The following LONRF1 variants were observed in gnomAD, a reference collection of about 807,000 sequenced individuals.
LONRF1 encodes LON peptidase N-terminal domain and ring finger 1, also known as LON peptidase N-terminal domain and RING finger protein 1.
LONRF1 carries 37 observed loss-of-function variants against 85.8 expected under a neutral mutation model. That is an observed-to-expected ratio of 0.43 (90% CI 0.33 to 0.57). The LOEUF (loss-of-function observed/expected upper bound fraction) is 0.57. Among genes scored for constraint, LONRF1 ranks in the 20% least tolerant of loss-of-function variants. LONRF1 has a pLI of 0.04. For missense variants in LONRF1, 1,036 were observed against 978.0 expected, an observed-to-expected ratio of 1.06 and a Z score of -0.79; for synonymous variants, 517 against 390.1, an observed-to-expected ratio of 1.33 and a Z score of -3.83.
chr8:12,729,241 T>C lies in LONRF1; in HGVS notation c.1780A>G (p.Met594Val). ...LHVFEPRYRL[M>V]IRRSIQTGTK... is the part of the protein sequence containing the mutation. ...CCAGTCTGTATACTTCTTCGAATCA[T>C]CAATCTGTATCTTGGCTCAAATACA... is the stretch of plus-strand genomic sequence containing the variant. Residue 594 changes from methionine to valine, a missense_variant, in exon 9 of 12, where the codon ATG (methionine) becomes GTG (valine). This residue lies in a region of LONRF1 where 265 missense variants were observed against 301.5 expected (regional missense o/e 0.88). Transcript: ENST00000398246. 1 of 1,614,020 alleles carries C rather than the reference T, an allele frequency of 6.2e-7. No homozygotes were observed. Among genetic ancestry groups the C allele is most frequent in the Non-Finnish European group, 8.5e-7 (1 of 1,179,912 alleles).
intron 11 of LONRF1, among the ~76,000 whole-genome samples, chr8:12,725,287 G>T (rs1032651881): frequency 3.3e-5 from 5 of 152,178 alleles, no homozygotes; most frequent in Non-Finnish European, 7.3e-5. Context: ...AATGTTGGGA[G>T]ATACAAAGAA....
intron 3 of LONRF1, among the ~76,000 whole-genome samples, chr8:12,739,566 C>G (rs1332770231): frequency 6.6e-6 from 1 of 152,096 alleles, no homozygotes; most frequent in Non-Finnish European, 1.5e-5. Context: ...TACACAGGTA[C>G]ATACATTTTT....
At position 12,722,884 on chromosome 8, in the gene LONRF1, A is replaced by T. The variant is rs1272357386; in HGVS notation, c.*212T>A. On this transcript the variant is annotated 3_prime_UTR_variant, in exon 12 of 12. Coordinates refer to ENST00000398246, the MANE Select transcript of LONRF1 (RefSeq NM_152271.5). ...TTCACAATGTAGAGGTTCGACACAC[A>T]TTCAATGCGTGTTTTTCTGTGCAAG... The T allele has an allele frequency of 1.4e-5, 7 of 491,630 alleles. No homozygotes were observed. The highest frequency in any genetic ancestry group is 1.2e-4 in the African/African-American group (6 of 51,878). The allele number at this position is 491,630 out of a possible 1,614,324, so 30.5% of individuals were successfully genotyped here.
rs867859310 is a variant in LONRF1, at chr8:12,751,304, T to G, written c.721+3396A>C. On this transcript the variant is annotated intron_variant, in intron 1 of 11. Transcript: ENST00000398246. ...TATATTTTTATTTTTATGTTTTTTT[T>G]TTTTTTTTTTTTTTTTGAGACTGAG... Among the ~76,000 whole-genome samples, 3 of 122,094 alleles carry G rather than the reference T, an allele frequency of 2.5e-5. No individual in the cohort carries two copies. The East Asian group carries it at 7.3e-4, about 30-fold the overall frequency. The allele number at this position is 122,094 out of a possible 152,430, so 80.1% of individuals were successfully genotyped here.
chr8:12,751,415 T>C (rs948905436), intron 1 of LONRF1, among the ~76,000 whole-genome samples: 4 of 149,672 alleles, frequency 2.7e-5, no homozygotes, highest in Non-Finnish European at 4.4e-5. Context: ...CAAGCAATTC[T>C]GCCTCAGCCT....
intron 1 of LONRF1, among the ~76,000 whole-genome samples, chr8:12,751,470 A>C (rs1234413805): frequency 6.6e-6 from 1 of 150,568 alleles, no homozygotes; most frequent in Non-Finnish European, 1.5e-5. Context: ...CGCCTGGGTA[A>C]TTTTTTGTAT....
At chr8:12,727,486 G>A (rs1455604336) in intron 10 of LONRF1, among the ~76,000 whole-genome samples, 2 of 146,352 alleles carry the variant, frequency 1.4e-5, no homozygotes, top group Non-Finnish European at 3.0e-5. Flanking sequence ...GACATGATGA[G>A]AAAAGATTAC....
chr8:12,742,981 G>A (rs774120659), intron 2 of LONRF1, among the ~76,000 whole-genome samples, 183 bp downstream of exon 2: 3 of 152,210 alleles, frequency 2.0e-5, no homozygotes, highest in South Asian at 2.1e-4. Context: ...CCAACTCAGC[G>A]TCCCAAATTG....
intron 11 of LONRF1, 93 bp from the exon 12 acceptor site, chr8:12,723,347 T>C: frequency 1.7e-6 from 2 of 1,160,850 alleles, no homozygotes; most frequent in South Asian, 1.5e-5. Flanking sequence ...TATTGAGCAC[T>C]TGTACTATGT....
At chr8:12,750,797 C>G (rs1487157378) in intron 1 of LONRF1, among the ~76,000 whole-genome samples, 1 of 152,164 alleles carries the variant, frequency 6.6e-6, no homozygotes, top group Non-Finnish European at 1.5e-5. Flanking sequence ...GTAATTGTTA[C>G]TCTCTACCAA....
chr8:12,729,809 G>C (rs1399611698), intron 8 of LONRF1, among the ~76,000 whole-genome samples: 7 of 152,056 alleles, frequency 4.6e-5, no homozygotes, highest in Non-Finnish European at 1.0e-4. Flanking sequence ...GCAAGGATAA[G>C]AAAACATATT....
intron 3 of LONRF1, 64 bp downstream of exon 3, chr8:12,740,810 T>C: frequency 6.5e-7 from 1 of 1,549,354 alleles, no homozygotes; most frequent in Non-Finnish European, 8.7e-7. Context: ...TTATTAGCTT[T>C]TTTTTTTAAA....
intron 7 of LONRF1, among the ~76,000 whole-genome samples, chr8:12,734,483 T>C (rs1798644994): frequency 6.6e-6 from 1 of 152,198 alleles, no homozygotes; most frequent in Admixed American, 6.6e-5. Flanking sequence ...CAAACTGCAA[T>C]TGCCTCTCAG....
chr8:12,724,936 A>C (rs1174818839), intron 11 of LONRF1, among the ~76,000 whole-genome samples: 1 of 152,252 alleles, frequency 6.6e-6, no homozygotes, highest in Admixed American at 6.5e-5. Context: ...GGCAGTGTGC[A>C]TTACAATGAG....
chr8:12,748,641 C>T (rs185733326), intron 1 of LONRF1, among the ~76,000 whole-genome samples: 1 of 152,128 alleles, frequency 6.6e-6, no homozygotes, highest in African/African-American at 2.4e-5. Context: ...ATTTTAACAA[C>T]CTCCATTTCT....
At chr8:12,748,323 G>T (rs532834572) in intron 1 of LONRF1, among the ~76,000 whole-genome samples, 1 of 152,216 alleles carries the variant, frequency 6.6e-6, no homozygotes, top group African/African-American at 2.4e-5. Context: ...TCCAGCCTCA[G>T]TAGCTGGGAC....
rs1372916477 is a variant in LONRF1, at chr8:12,737,129, T to C, written c.1125A>G (p.Ile375Met). Residue 375 changes from isoleucine (I) to methionine (M), a missense_variant, in exon 5 of 12, where the codon ATA (isoleucine) becomes ATG (methionine). Ile to Met is a conservative substitution (Grantham distance 10, BLOSUM62 1). Coordinates refer to ENST00000398246, the MANE Select transcript of LONRF1 (RefSeq NM_152271.5). ...TGACAGGCTCTGAAGTGACCTCTGG[T>C]ATTTCTTCACTCTACAAAAATACAA... The part of the protein sequence containing the change: ...NEPSPKQSEE[I>M]PEVTSEPVKG... 2 of 1,611,526 alleles carry C rather than the reference T, an allele frequency of 1.2e-6. No individual in the cohort carries two copies. Among genetic ancestry groups the C allele is most frequent in the South Asian group, 1.1e-5 (1 of 90,748 alleles).
intron 10 of LONRF1, among the ~76,000 whole-genome samples, chr8:12,726,912 T>A (rs1431083421): frequency 1.3e-5 from 2 of 152,172 alleles, no homozygotes; most frequent in African/African-American, 4.8e-5. Context: ...CATAACAATG[T>A]GAATGTACTT....
intron 11 of LONRF1, among the ~76,000 whole-genome samples, chr8:12,724,729 G>A (rs889388852): frequency 2.6e-5 from 4 of 152,148 alleles, no homozygotes; most frequent in African/African-American, 9.7e-5. Context: ...ATTCAATATT[G>A]TTCTTATCAA....
Sources: allele counts gnomAD v4.1 joint callset (sites outside exome capture counted in the v4.1 genomes callset), GRCh38; gene constraint gnomAD v4.1.1; regional missense constraint gnomAD v4.1.1; transcripts MANE v1.5; gene names NCBI Gene and HGNC (gene_info 2026-07-23, HGNC 2026-07-21).